RASAL1: variants seen among roughly 807,000 people sequenced by gnomAD.
RASAL1 encodes the protein RAS protein activator like 1, also known as rasGAP-activating-like protein 1.
A neutral mutation model predicts 96.6 loss-of-function variants in RASAL1; 72 were observed. The observed-to-expected ratio is 0.75, with a 90% confidence interval of 0.62 to 0.91. The LOEUF is 0.91. RASAL1 is among the 40% of genes least tolerant of loss of function. The probability of loss-of-function intolerance (pLI) is 0.00; values close to 1 mark genes in which losing one functional copy is unlikely to be tolerated. For missense variants in RASAL1, 1,016 were observed against 1,072.5 expected (o/e 0.95, Z 0.74); for synonymous variants, 405 against 430.4 (o/e 0.94, Z 0.73).
intron 18 of RASAL1, 25 bp from the exon 19 acceptor site, chr12:113,102,034 CAGT>C: frequency 6.2e-7 from 1 of 1,606,076 alleles, no homozygotes. Flanking sequence ...CTTCATTCAT[CAGT>C]AACTCCCTCT....
intron 14 of RASAL1, chr12:113,107,574 G>A (rs1950694835): frequency 4.0e-6 from 2 of 505,658 alleles, no homozygotes; most frequent in South Asian, 3.1e-5. Flanking sequence ...AGTAAGCCAA[G>A]ATCGTGCCAC....
rs149283617 is a variant in RASAL1, at chr12:113,099,994, G to A, written c.2353C>T (p.Arg785Cys). The change falls in exon 21 of 21, where the codon CGT becomes TGT. Residue 785 changes from arginine to cysteine, a missense_variant. By Grantham distance (180) the Arg-to-Cys change is radical. Coordinates refer to ENST00000548055, the MANE Select transcript of RASAL1 (RefSeq NM_001301202.2). ...RLLEVLADLD[R>C]AHEEFQQQER... is the part of the protein sequence containing the mutation. Reference sequence around the variant, plus strand: ...TGCTGCTGGAACTCCTCGTGGGCACGATCCAGGTCTGCGAGCACCTCCAGC... The same window carrying A: ...TGCTGCTGGAACTCCTCGTGGGCACAATCCAGGTCTGCGAGCACCTCCAGC... 56 of 1,613,850 alleles carry A rather than the reference G, an allele frequency of 3.5e-5. No individual in the cohort carries two copies. The highest frequency in any genetic ancestry group is 6.7e-5 in the African/African-American group (5 of 75,064).
At position 113,104,082 on chromosome 12, in the gene RASAL1, C is replaced by T; in HGVS notation, c.1969-1G>A. On this transcript the variant is annotated splice_acceptor_variant, in intron 17 of 20. Transcript: ENST00000548055. LOFTEE classifies it high-confidence loss of function. ...GCCACTGGTTGAGCTCATTCACATT[C>T]TGCAGCGGGTGGGAGGCGATCAGGG... 3 of 1,541,398 alleles carry T rather than the reference C, an allele frequency of 1.9e-6. No homozygotes were observed. In the South Asian group the frequency reaches 3.5e-5, roughly 18 times the overall value.
chr12:113,101,839 C>A, intron 19 of RASAL1, 50 bp downstream of exon 19: 1 of 1,587,690 alleles, frequency 6.3e-7, no homozygotes, highest in Non-Finnish European at 8.6e-7. Context: ...CGGTGGGGGG[C>A]TGGCCTGGCT....
At chr12:113,126,478 C>A (rs1951484605) in intron 4 of RASAL1, among the ~76,000 whole-genome samples, 1 of 151,898 alleles carries the variant, frequency 6.6e-6, no homozygotes, top group Non-Finnish European at 1.5e-5. Flanking sequence ...GCCAAGAGTT[C>A]AAGACCAGCG....
intron 11 of RASAL1, 53 bp from the exon 12 acceptor site, chr12:113,114,965 GC>G: frequency 7.0e-7 from 1 of 1,437,738 alleles, no homozygotes; most frequent in East Asian, 2.3e-5. Flanking sequence ...GCCGGGGCAT[GC>G]CCATGAGCTG....
Position 113,105,939 on chromosome 12 carries a change from C to T in RASAL1, c.1658-53G>A, listed in dbSNP as rs1950630734. The T allele has an allele frequency of 3.9e-6, 6 of 1,535,806 alleles. No individual in the cohort carries two copies. The Middle Eastern group carries it at 6.0e-4, about 153-fold the overall frequency. ...ACAGTGAGCCCTCCCTAACCAGGCTCACCTTGCTCCACTAGCATGCCCAGG... is the reference window on the plus strand; with the variant it reads ...ACAGTGAGCCCTCCCTAACCAGGCTTACCTTGCTCCACTAGCATGCCCAGG... On this transcript the variant is annotated intron_variant, in intron 15 of 20. Transcript: ENST00000548055.
intron 16 of RASAL1, among the ~76,000 whole-genome samples, chr12:113,104,751 C>T (rs1235286188): frequency 6.6e-6 from 1 of 152,186 alleles, no homozygotes; most frequent in Non-Finnish European, 1.5e-5. Flanking sequence ...ATCTGCCCAC[C>T]CCGGCCTCCC....
At position 113,135,520 on chromosome 12, in the gene RASAL1, G is replaced by A. The variant is rs1951882249; in HGVS notation, c.-58C>T. On this transcript the variant is annotated 5_prime_UTR_variant, in exon 1 of 21. Transcript: ENST00000548055. This position sits in a 1 kb window ranked among gnomAD's most constrained non-coding sequence, Gnocchi z 5.7. ...GCGCTCAGGTTCCGAGGCTGGACCA[G>A]GGGACGTCTACATGTCACCTGCTTC... 1 of 1,454,220 alleles carries A rather than the reference G, an allele frequency of 6.9e-7. No homozygotes were observed. Among genetic ancestry groups the A allele is most frequent in the African/African-American group, 1.4e-5 (1 of 71,164 alleles). The allele number at this position is 1,454,220 out of a possible 1,614,324, so 90.1% of individuals were successfully genotyped here.
chr12:113,127,119 G>C (rs12819481), intron 4 of RASAL1, among the ~76,000 whole-genome samples: 6,215 of 151,698 alleles, frequency 0.041, 247 homozygotes, highest in African/African-American at 0.1. Context: ...GGACTCCTGG[G>C]CTCAAGCGAT....
In RASAL1 at chr12:113,121,553, C is replaced by T; in HGVS notation, c.384G>A (p.Glu128=). ...GEICLSVQML[E]DGQGRCLRCH... is the part of the protein sequence containing the mutation. ...AGCGAAGGCAGCGGCCCTGCCCATC[C>T]TCCAGCATCTGCACTGACAGGCAGA... Residue 128 remains glutamate, a synonymous_variant, in exon 5 of 21, where the codon GAG becomes GAA. Transcript: ENST00000548055. The T allele has an allele frequency of 1.2e-6, 2 of 1,614,212 alleles. No individual in the cohort carries two copies. The highest frequency in any genetic ancestry group is 1.7e-6 in the Non-Finnish European group (2 of 1,180,036).
chr12:113,100,038 C>G lies in RASAL1; in HGVS notation c.2309G>C (p.Arg770Thr). Reference sequence around the variant, plus strand: ...CTCCAGCAGGCGGGCAGTTGCTGCTCTTTGCCGGGCCAGGACCTCAGGACA... The same window carrying G: ...CTCCAGCAGGCGGGCAGTTGCTGCTGTTTGCCGGGCCAGGACCTCAGGACA... ...GACPEVLARQ[R>T]AATARLLEVL... Residue 770 changes from arginine to threonine, a missense_variant, in exon 21 of 21, where the codon AGA (arginine) becomes ACA (threonine). Coordinates refer to ENST00000548055, the MANE Select transcript of RASAL1 (RefSeq NM_001301202.2). The G allele has an allele frequency of 6.2e-7, 1 of 1,612,740 alleles. No homozygotes were observed. Among genetic ancestry groups the G allele is most frequent in the Non-Finnish European group, 8.5e-7 (1 of 1,179,286 alleles).
chr12:113,104,231 A>T lies in RASAL1; in HGVS notation c.1898T>A (p.Leu633Gln). 1 of 1,607,140 alleles carries T rather than the reference A, an allele frequency of 6.2e-7. No homozygotes were observed. The highest frequency in any genetic ancestry group is 8.5e-7 in the Non-Finnish European group (1 of 1,177,270). ...VERVDEGAFQLPHVMQVVTQD... is the reference protein window; with the variant it reads ...VERVDEGAFQQPHVMQVVTQD... Reference sequence around the variant, plus strand: ...CGTCACCACCTGCATCACGTGGGGCAGTTGGAAGGCGCCCTCGTCTACGCG... The same window carrying T: ...CGTCACCACCTGCATCACGTGGGGCTGTTGGAAGGCGCCCTCGTCTACGCG... Residue 633 changes from leucine (L) to glutamine (Q), a missense_variant, in exon 17 of 21, where the codon CTG becomes CAG. Physicochemically the swap from Leu to Gln is moderately radical, Grantham distance 113 (BLOSUM62 -2). Transcript: ENST00000548055.
chr12:113,118,374 C>T (rs978295377), intron 7 of RASAL1, among the ~76,000 whole-genome samples: 3 of 152,090 alleles, frequency 2.0e-5, no homozygotes, highest in African/African-American at 7.2e-5. Flanking sequence ...AATAATATTC[C>T]ATTGTATCGA....
At chr12:113,100,111 G>A (rs1950388579) in intron 20 of RASAL1, 43 bp from the exon 21 acceptor site, 1 of 1,536,788 alleles carries the variant, frequency 6.5e-7, no homozygotes, top group Non-Finnish European at 8.8e-7. Flanking sequence ...GCCAGTCCAG[G>A]GCAGGCTGCT....
rs550712278 is a variant in RASAL1 at position 113,115,699 on chromosome 12, A to T, written c.939T>A (p.Phe313Leu). Residue 313 changes from phenylalanine (F) to leucine (L), a missense_variant, in exon 10 of 21, where the codon TTT becomes TTA. Physicochemically the swap from Phe to Leu is conservative, Grantham distance 22. Transcript: ENST00000548055. This position sits in a 1 kb window ranked among gnomAD's most constrained non-coding sequence, Gnocchi z 4.1. ...AGCGCCCAGCCAGTCCCCGGCCAAGAAAGAGTTTCACCAGCTTGGTGGCAA... is the reference window on the plus strand; with the variant it reads ...AGCGCCCAGCCAGTCCCCGGCCAAGTAAGAGTTTCACCAGCTTGGTGGCAA... ...QDLATKLVKL[F>L]LGRGLAGRFL... 1 of 1,614,116 alleles carries T rather than the reference A, an allele frequency of 6.2e-7. No homozygotes were observed. Among genetic ancestry groups the T allele is most frequent in the African/African-American group, 1.3e-5 (1 of 75,036 alleles).
chr12:113,100,799 T>A lies in RASAL1; in HGVS notation c.2226-119A>T, dbSNP rs565344363. 46 of 733,682 alleles carry A rather than the reference T, an allele frequency of 6.3e-5. No individual in the cohort carries two copies. The Middle Eastern group carries it at 7.3e-4, about 12-fold the overall frequency. 45.4% of individuals were successfully genotyped at this position (733,682 alleles called of 1,614,324 possible). A position where few individuals can be genotyped will look rare whatever the true frequency, so the allele number is the denominator to read the frequency against. On this transcript the variant is annotated intron_variant, in intron 19 of 20. Transcript: ENST00000548055. ...CCATCACCATCACCATCTACCATCA[T>A]CATCATCATCATCTACACAGCAAAC...
chr12:113,113,563 C>G (rs774136384), intron 12 of RASAL1, among the ~76,000 whole-genome samples: 1 of 152,190 alleles, frequency 6.6e-6, no homozygotes, highest in African/African-American at 2.4e-5. Context: ...GGATCAAATC[C>G]TTGCTCTGTA....
chr12:113,114,580 G>A (rs1258472616), intron 12 of RASAL1, among the ~76,000 whole-genome samples: 1 of 152,052 alleles, frequency 6.6e-6, no homozygotes, highest in East Asian at 1.9e-4. Flanking sequence ...GCTAAGATTT[G>A]AACCCAGGGC....
Sources: allele counts gnomAD v4.1 joint callset (sites outside exome capture counted in the v4.1 genomes callset), GRCh38; gene constraint gnomAD v4.1.1; non-coding constraint Gnocchi (gnomAD v3.1); transcripts MANE v1.5; gene names NCBI Gene and HGNC (gene_info 2026-07-23, HGNC 2026-07-21).